ADGRB3: variants seen among roughly 807,000 people sequenced by gnomAD.
ADGRB3 encodes adhesion G protein-coupled receptor B3.
In ADGRB3, 37 loss-of-function variants were observed where a neutral mutation model predicts 193.4. That is an observed-to-expected ratio of 0.19 (90% CI 0.15 to 0.25). The LOEUF (loss-of-function observed/expected upper bound fraction) is 0.25, where lower values mean the gene tolerates loss of function less well. ADGRB3 is among the 10% of genes least tolerant of loss of function. The pLI is 1.00. For synonymous variants in ADGRB3, 690 were observed against 644.2 expected (o/e 1.07, Z -1.08); for missense variants, 1,637 against 1,852.9 (o/e 0.88, Z 2.14).
At chr6:69,108,092 A>AT (rs1773263380) in intron 17 of ADGRB3, among the ~76,000 whole-genome samples, 1 of 152,066 alleles carries the variant, frequency 6.6e-6, no homozygotes, top group Non-Finnish European at 1.5e-5. Flanking sequence ...ACTCTCTTGA[A>AT]TGTCTGAATT....
At chr6:69,043,980 G>A (rs1381142066) in intron 13 of ADGRB3, among the ~76,000 whole-genome samples, 1 of 152,168 alleles carries the variant, frequency 6.6e-6, no homozygotes, top group East Asian at 1.9e-4. Flanking sequence ...GGCGGAGCTT[G>A]CAGTGAGGTG....
intron 20 of ADGRB3, among the ~76,000 whole-genome samples, chr6:69,254,467 T>A (rs2127268604): frequency 6.6e-6 from 1 of 152,252 alleles, no homozygotes; most frequent in East Asian, 1.9e-4. Context: ...CTTAGAGAAC[T>A]TTTTCATTTA....
intron 20 of ADGRB3, among the ~76,000 whole-genome samples, chr6:69,248,602 G>T (rs954617739): frequency 1.3e-5 from 2 of 152,210 alleles, no homozygotes; most frequent in Non-Finnish European, 2.9e-5. Context: ...GTTGTAAAGG[G>T]CCATATAGTA....
At chr6:68,676,061 A>C (rs1428261054) in intron 3 of ADGRB3, among the ~76,000 whole-genome samples, 2 of 152,218 alleles carry the variant, frequency 1.3e-5, no homozygotes, top group South Asian at 4.1e-4. Flanking sequence ...GTATGTATTT[A>C]CACAAAGTGC....
At chr6:69,128,753 A>C (rs1401195545) in intron 17 of ADGRB3, among the ~76,000 whole-genome samples, 1 of 152,144 alleles carries the variant, frequency 6.6e-6, no homozygotes, top group Non-Finnish European at 1.5e-5. Flanking sequence ...ACCATCTTCA[A>C]GGAACTTGGT....
intron 4 of ADGRB3, among the ~76,000 whole-genome samples, chr6:68,934,926 A>G (rs979603016): frequency 5.9e-5 from 9 of 152,182 alleles, no homozygotes; most frequent in Non-Finnish European, 7.3e-5. Flanking sequence ...AGGGTTATCT[A>G]TACATTATTT....
At chr6:69,110,384 T>G (rs1201869404) in intron 17 of ADGRB3, among the ~76,000 whole-genome samples, 1 of 152,156 alleles carries the variant, frequency 6.6e-6, no homozygotes, top group Non-Finnish European at 1.5e-5. Flanking sequence ...ATCTCTAATA[T>G]TAGTGAACAA....
chr6:69,182,649 A>G (rs1775619209), intron 17 of ADGRB3, among the ~76,000 whole-genome samples: 1 of 152,082 alleles, frequency 6.6e-6, no homozygotes, highest in African/African-American at 2.4e-5. Flanking sequence ...CTTGAGGCAA[A>G]TTGAGTGAGT....
chr6:68,655,905 A>AG (rs1379833729), intron 3 of ADGRB3, among the ~76,000 whole-genome samples: 1 of 151,654 alleles, frequency 6.6e-6, no homozygotes, highest in Non-Finnish European at 1.5e-5. Context: ...CCTTTGGACT[A>AG]GTCCTTTCTC....
chr6:69,373,788 G>A (rs1769755906), intron 30 of ADGRB3, among the ~76,000 whole-genome samples: 1 of 151,942 alleles, frequency 6.6e-6, no homozygotes, highest in Admixed American at 6.6e-5. Context: ...AAGGAAAGGA[G>A]GAAGGAATTA....
chr6:69,143,250 G>C (rs545918315), intron 17 of ADGRB3, among the ~76,000 whole-genome samples: 13 of 151,724 alleles, frequency 8.6e-5, no homozygotes, highest in African/African-American at 2.9e-4. Context: ...TTTTCCTTTA[G>C]AGTTGTTTGA....
At chr6:68,869,184 C>G (rs773968731) in intron 3 of ADGRB3, among the ~76,000 whole-genome samples, 2 of 152,092 alleles carry the variant, frequency 1.3e-5, no homozygotes, top group Non-Finnish European at 2.9e-5. Context: ...TGCAATTATT[C>G]CATGCATCTA....
intron 30 of ADGRB3, among the ~76,000 whole-genome samples, chr6:69,376,318 G>A (rs531030300): frequency 1.4e-4 from 21 of 151,694 alleles, no homozygotes; most frequent in South Asian, 4.2e-4. Context: ...GGCCAGTCTC[G>A]AACTCTGGGG....
chr6:68,668,377 C>T lies in ADGRB3; in HGVS notation c.757+28945C>T, dbSNP rs1200007781. On this transcript the variant is annotated intron_variant, in intron 3 of 31. Coordinates refer to ENST00000370598, the MANE Select transcript of ADGRB3 (RefSeq NM_001704.3). ...TTTTAGCCCTTCAAAATTGACAGCA[C>T]AGGAATTCATATTAGGAAGCTATAA... Among the ~76,000 whole-genome samples the T allele has an allele frequency of 3.3e-5, 5 of 152,082 alleles. No homozygotes were observed. In the East Asian group the frequency reaches 5.8e-4, roughly 18 times the overall value.
intron 10 of ADGRB3, among the ~76,000 whole-genome samples, chr6:68,976,708 A>T (rs554324361): frequency 1.3e-5 from 2 of 152,300 alleles, no homozygotes; most frequent in East Asian, 3.9e-4. Flanking sequence ...GAAGTGGATT[A>T]TTATAAAAGT....
At position 69,027,014 on chromosome 6, in the gene ADGRB3, A is replaced by T. The variant is rs184135105; in HGVS notation, c.2107+8515A>T. 3.3e-3 allele frequency among the ~76,000 whole-genome samples: 498 copies of T among 152,208 alleles called. 4 individuals carry two copies. The highest frequency in any genetic ancestry group is 5.2e-3 in the Admixed American group (79 of 15,290). Reference sequence around the variant, plus strand: ...ACTCATAAGCTACACTAAATTTATTAAAAAAATATTTTTCTCCAAAAATAA... The same window carrying T: ...ACTCATAAGCTACACTAAATTTATTTAAAAAATATTTTTCTCCAAAAATAA... On this transcript the variant is annotated intron_variant, in intron 13 of 31. Transcript: ENST00000370598.
chr6:69,283,031 A>G (rs1223060358), intron 20 of ADGRB3, among the ~76,000 whole-genome samples: 2 of 152,170 alleles, frequency 1.3e-5, no homozygotes, highest in African/African-American at 4.8e-5. Context: ...TGAGAAGGCA[A>G]AGGTGCAAAG....
chr6:69,268,953 C>T (rs763731354), intron 20 of ADGRB3, among the ~76,000 whole-genome samples: 3 of 152,124 alleles, frequency 2.0e-5, no homozygotes, highest in Non-Finnish European at 2.9e-5. Context: ...CTTTGGACTA[C>T]TGCTACTGCT....
At position 69,378,273 on chromosome 6, in the gene ADGRB3, A is replaced by T. The variant is rs557869030; in HGVS notation, c.4276-4558A>T. 2.6e-5 allele frequency among the ~76,000 whole-genome samples: 4 copies of T among 152,182 alleles called. No individual in the cohort carries two copies. In the East Asian group the frequency reaches 7.8e-4, roughly 30 times the overall value. On this transcript the variant is annotated intron_variant, in intron 30 of 31. Coordinates refer to ENST00000370598, the MANE Select transcript of ADGRB3 (RefSeq NM_001704.3). The stretch of plus-strand genomic sequence containing the variant: ...ACAGAGGGCACCTAGCCCATCCTGG[A>T]TTGTTTTGTCTCATTTTCCATTTTA...
Sources: allele counts gnomAD v4.1 joint callset (sites outside exome capture counted in the v4.1 genomes callset), GRCh38; gene constraint gnomAD v4.1.1; transcripts MANE v1.5; gene names NCBI Gene and HGNC (gene_info 2026-07-23, HGNC 2026-07-21).